CALCRL: variants seen among roughly 807,000 people sequenced by gnomAD.
CALCRL encodes the protein calcitonin gene-related peptide type 1 receptor.
Under a neutral mutation model 60.4 loss-of-function variants are expected in CALCRL, and 27 were observed. That is an observed-to-expected ratio of 0.45 (90% confidence interval 0.33 to 0.62). The LOEUF is 0.62. Ranked by LOEUF, CALCRL falls within the 20% of genes least tolerant of loss-of-function variation. CALCRL has a pLI of 0.03. For synonymous variants in CALCRL, 190 were observed against 182.6 expected, an observed-to-expected ratio of 1.04 and a Z score of -0.33; for missense variants, 424 against 540.7, an observed-to-expected ratio of 0.78 and a Z score of 2.14.
rs568104293 is a variant in CALCRL, at chr2:187,403,033, G to C, written c.-292-15277C>G. ...AGAGACCATGTGAAGATACAACCCG[G>C]AAGAGGGCCCTCACCAAGAATCCAA... On this transcript the variant is annotated intron_variant, in intron 1 of 14. Transcript: ENST00000392370. Among the ~76,000 whole-genome samples, 3 of 151,726 alleles carry C rather than the reference G, an allele frequency of 2.0e-5. No individual in the cohort carries two copies. In the South Asian group the frequency reaches 6.2e-4, roughly 32 times the overall value.
At chr2:187,416,661 G>A (rs1689623988) in intron 1 of CALCRL, among the ~76,000 whole-genome samples, 1 of 151,958 alleles carries the variant, frequency 6.6e-6, no homozygotes, top group African/African-American at 2.4e-5. Context: ...TATGGTCTGT[G>A]GTATGAAATT....
intron 8 of CALCRL, among the ~76,000 whole-genome samples, chr2:187,375,298 A>AAT (rs1553507650): frequency 6.8e-6 from 1 of 145,994 alleles, no homozygotes; most frequent in Non-Finnish European, 1.5e-5. Flanking sequence ...AAAAAAAAAA[A>AAT]TTGAGTTATG....
intron 8 of CALCRL, among the ~76,000 whole-genome samples, chr2:187,374,441 A>G (rs191662424): frequency 6.6e-6 from 1 of 152,260 alleles, no homozygotes; most frequent in East Asian, 1.9e-4. Context: ...TTAATTAGAA[A>G]ATAAGTAAAA....
At chr2:187,426,248 T>G (rs1271271426) in intron 1 of CALCRL, among the ~76,000 whole-genome samples, 2 of 151,486 alleles carry the variant, frequency 1.3e-5, no homozygotes, top group African/African-American at 4.8e-5. Context: ...TATTATTTTT[T>G]TTTTTTGCAG....
At chr2:187,432,353 ATTAT>A (rs765210622) in intron 1 of CALCRL, among the ~76,000 whole-genome samples, 3 of 152,098 alleles carry the variant, frequency 2.0e-5, no homozygotes, top group African/African-American at 7.2e-5. Flanking sequence ...CATTTTGTGA[ATTAT>A]TTATCTTAAT....
intron 12 of CALCRL, among the ~76,000 whole-genome samples, chr2:187,356,035 T>A (rs996274251): frequency 1.3e-5 from 2 of 152,064 alleles, no homozygotes; most frequent in African/African-American, 4.8e-5. Context: ...TCCATGCTCA[T>A]ACATAGAAGA....
chr2:187,421,052 C>G (rs1339709284), intron 1 of CALCRL, among the ~76,000 whole-genome samples: 2 of 152,156 alleles, frequency 1.3e-5, no homozygotes, highest in African/African-American at 4.8e-5. Flanking sequence ...TTACATAGAT[C>G]AGCAGCAAGA....
intron 1 of CALCRL, among the ~76,000 whole-genome samples, chr2:187,423,030 T>A (rs1473297970): frequency 6.6e-6 from 1 of 152,006 alleles, no homozygotes; most frequent in African/African-American, 2.4e-5. Flanking sequence ...GAAAAGGAAT[T>A]ACAATTCACA....
intron 8 of CALCRL, among the ~76,000 whole-genome samples, chr2:187,365,777 A>G (rs969774039): frequency 1.3e-5 from 2 of 152,208 alleles, no homozygotes; most frequent in Admixed American, 6.5e-5. Context: ...AGGACACTAC[A>G]TTAAATGAAA....
At chr2:187,432,257 A>G (rs1482809731) in intron 1 of CALCRL, among the ~76,000 whole-genome samples, 4 of 152,174 alleles carry the variant, frequency 2.6e-5, no homozygotes. Flanking sequence ...GCTCAAACTA[A>G]TGTTGAAAGC....
At chr2:187,412,932 T>G (rs1689427741) in intron 1 of CALCRL, among the ~76,000 whole-genome samples, 4 of 152,228 alleles carry the variant, frequency 2.6e-5, no homozygotes, top group Non-Finnish European at 5.9e-5. Context: ...TATGCTTTGT[T>G]GATTGTTTTC....
chr2:187,437,659 ATAGTT>A (rs1450180210), intron 1 of CALCRL, among the ~76,000 whole-genome samples: 1 of 152,202 alleles, frequency 6.6e-6, no homozygotes, highest in Non-Finnish European at 1.5e-5. Flanking sequence ...AAAACAAAAT[ATAGTT>A]TATGTTTTGT....
At chr2:187,394,855 A>G (rs1302043490) in intron 1 of CALCRL, among the ~76,000 whole-genome samples, 1 of 152,080 alleles carries the variant, frequency 6.6e-6, no homozygotes, top group Non-Finnish European at 1.5e-5. Context: ...GAAAATTTGC[A>G]TAAAAGTAGT....
At chr2:187,360,315 A>G (rs952446372) in intron 10 of CALCRL, among the ~76,000 whole-genome samples, 2 of 152,178 alleles carry the variant, frequency 1.3e-5, no homozygotes, top group African/African-American at 2.4e-5. Flanking sequence ...TTCTACTTCT[A>G]TTGTTTTAGT....
chr2:187,368,251 A>C (rs779535496), intron 8 of CALCRL, among the ~76,000 whole-genome samples: 2 of 152,072 alleles, frequency 1.3e-5, no homozygotes, highest in African/African-American at 2.4e-5. Context: ...TTTTTAGCAT[A>C]ATTATCATAT....
chr2:187,359,544 C>G (rs1480832281), intron 10 of CALCRL, among the ~76,000 whole-genome samples: 2 of 152,038 alleles, frequency 1.3e-5, no homozygotes, highest in Non-Finnish European at 2.9e-5. Context: ...CAGAGCTTAA[C>G]TCTTAAGATG....
At chr2:187,431,205 A>G (rs375442066) in intron 1 of CALCRL, 87 of 154,790 alleles carry the variant, frequency 5.6e-4, no homozygotes, top group African/African-American at 1.9e-3. Flanking sequence ...ATTTCTTACT[A>G]TTGTTAACAT....
intron 3 of CALCRL, among the ~76,000 whole-genome samples, chr2:187,386,864 C>T (rs907421786): frequency 2.0e-5 from 3 of 152,060 alleles, no homozygotes; most frequent in African/African-American, 4.8e-5. Context: ...TCACAAGATC[C>T]GATGGATTTA....
rs1688267454 is a variant in CALCRL at position 187,387,756 on chromosome 2, C to A, written c.-292G>T. On this transcript the variant is annotated splice_region_variant and 5_prime_UTR_variant, in exon 2 of 15. Transcript: ENST00000392370. ...AATTTCTTAAATTCAGGGGTCAAGACCTGAAATATTGATGAATGTAATAAT... is the reference window on the plus strand; with the variant it reads ...AATTTCTTAAATTCAGGGGTCAAGAACTGAAATATTGATGAATGTAATAAT... 2.5e-6 allele frequency: 1 copy of A among 396,390 alleles called. No individual in the cohort carries two copies. Among genetic ancestry groups the A allele is most frequent in the Non-Finnish European group, 4.4e-6 (1 of 224,860 alleles). 24.6% of individuals were successfully genotyped at this position (396,390 alleles called of 1,614,324 possible). A position where few individuals can be genotyped will look rare whatever the true frequency, so the allele number is the denominator to read the frequency against.
Sources: allele counts gnomAD v4.1 joint callset (sites outside exome capture counted in the v4.1 genomes callset), GRCh38; gene constraint gnomAD v4.1.1; transcripts MANE v1.5; gene names NCBI Gene and HGNC (gene_info 2026-07-23, HGNC 2026-07-21).